The following ATP11A variants were observed in gnomAD, a reference collection of about 807,000 sequenced individuals.
The protein encoded by ATP11A is phospholipid-transporting ATPase IH.
A neutral mutation model predicts 154.4 loss-of-function variants in ATP11A; 81 were observed. The ratio of observed to expected loss-of-function variants is 0.52; its 90% CI spans 0.44 to 0.63. The LOEUF (loss-of-function observed/expected upper bound fraction) is 0.63. ATP11A is among the 30% of genes least tolerant of loss of function. The probability of loss-of-function intolerance (pLI) is 0.00; values close to 1 mark genes in which losing one functional copy is unlikely to be tolerated. For missense variants in ATP11A, 1,316 were observed against 1,474.3 expected (o/e 0.89, Z 1.76); for synonymous variants, 623 against 585.9 (o/e 1.06, Z -0.91).
intron 1 of ATP11A, among the ~76,000 whole-genome samples, chr13:112,726,487 C>T (rs965835271): frequency 4.6e-5 from 7 of 152,318 alleles, no homozygotes; most frequent in South Asian, 2.1e-4. Context: ...GTTGTACTTC[C>T]GAGAGCTTTT....
chr13:112,832,428 C>CT (rs2079119813), intron 13 of ATP11A, among the ~76,000 whole-genome samples: 1 of 152,242 alleles, frequency 6.6e-6, no homozygotes, highest in African/African-American at 2.4e-5. Flanking sequence ...CACGCCTAGT[C>CT]TAACACACGC....
intron 1 of ATP11A, among the ~76,000 whole-genome samples, chr13:112,769,135 T>C (rs199619437): frequency 6.6e-6 from 1 of 152,118 alleles, no homozygotes; most frequent in Non-Finnish European, 1.5e-5. Flanking sequence ...GCCCCCCGGC[T>C]CCTCCTTCCA....
At chr13:112,805,240 C>T (rs193104528) in intron 3 of ATP11A, among the ~76,000 whole-genome samples, 194 bp downstream of exon 3, 3 of 152,328 alleles carry the variant, frequency 2.0e-5, no homozygotes, top group East Asian at 1.9e-4. Flanking sequence ...AAACTACACA[C>T]GACGCTACTT....
At chr13:112,857,586 G>A (rs1430948969) in intron 20 of ATP11A, among the ~76,000 whole-genome samples, 1 of 152,152 alleles carries the variant, frequency 6.6e-6, no homozygotes, top group Non-Finnish European at 1.5e-5. Flanking sequence ...TCCAGCTCAC[G>A]TCATTTTAAT....
intron 6 of ATP11A, among the ~76,000 whole-genome samples, chr13:112,817,585 A>G (rs2078679575): frequency 1.3e-5 from 2 of 152,024 alleles, no homozygotes; most frequent in Non-Finnish European, 2.9e-5. Flanking sequence ...AGCCCTTCAC[A>G]CTCTCTGCAG....
At chr13:112,780,455 G>A (rs971948735) in intron 1 of ATP11A, among the ~76,000 whole-genome samples, 5 of 152,198 alleles carry the variant, frequency 3.3e-5, no homozygotes, top group African/African-American at 9.6e-5. Flanking sequence ...CTTCACACAT[G>A]GGATGCTTTC....
intron 25 of ATP11A, among the ~76,000 whole-genome samples, chr13:112,864,745 T>C: frequency 1.6e-5 from 1 of 61,422 alleles, no homozygotes. Flanking sequence ...CCCAGCGGGG[T>C]CCATCACCAC....
intron 17 of ATP11A, among the ~76,000 whole-genome samples, chr13:112,847,643 GT>G (rs1335188108): frequency 2.0e-5 from 3 of 152,174 alleles, no homozygotes; most frequent in Admixed American, 6.5e-5. Flanking sequence ...AGTTCCCGCT[GT>G]TTTGATTACT....
At chr13:112,826,087 G>A (rs1314933331) in intron 11 of ATP11A, among the ~76,000 whole-genome samples, 1 of 151,692 alleles carries the variant, frequency 6.6e-6, no homozygotes, top group East Asian at 1.9e-4. Flanking sequence ...AGGGCCGTGT[G>A]CAAACCCAGA....
At chr13:112,851,259 G>T in intron 18 of ATP11A, 41 bp downstream of exon 18, 1 of 1,587,982 alleles carries the variant, frequency 6.3e-7, no homozygotes, top group South Asian at 1.1e-5. Context: ...AGACAAACTG[G>T]GATGCAGGCC....
At chr13:112,727,026 T>C (rs1210487580) in intron 1 of ATP11A, among the ~76,000 whole-genome samples, 6 of 152,224 alleles carry the variant, frequency 3.9e-5, no homozygotes, top group Non-Finnish European at 5.9e-5. Flanking sequence ...TAGGTAATAG[T>C]AAATCTGAAC....
Position 112,812,469 on chromosome 13 carries a change from G to A in ATP11A, c.441+1743G>A, listed in dbSNP as rs2078528613. ...GGGAGCACCCCAGTCCTGTGCATGTGGAGAGCCAGGTGCGTTCCAGAAGCC... is the reference window on the plus strand; with the variant it reads ...GGGAGCACCCCAGTCCTGTGCATGTAGAGAGCCAGGTGCGTTCCAGAAGCC... On this transcript the variant is annotated intron_variant, in intron 5 of 29. Coordinates refer to ENST00000375645, the MANE Select transcript of ATP11A (RefSeq NM_015205.3). Among the ~76,000 whole-genome samples, 4 of 152,204 alleles carry A rather than the reference G, an allele frequency of 2.6e-5. No individual in the cohort carries two copies. In the South Asian group the frequency reaches 8.3e-4, roughly 31 times the overall value.
rs1472189609 is a variant in ATP11A, at chr13:112,838,404, GA to G, written c.1705+2155del. ...TCACGTGGTTTTCCCCGTAGCAGTC[GA>G]ATCTAGCTGTTGAGCCGTGGCTGGA... On this transcript the variant is annotated intron_variant, in intron 16 of 29. Coordinates refer to ENST00000375645, the MANE Select transcript of ATP11A (RefSeq NM_015205.3). The surrounding 1 kb of genome is among the most constrained non-coding windows in gnomAD (Gnocchi z 7.3). Among the ~76,000 whole-genome samples, 3 of 151,842 alleles carry G rather than the reference GA, an allele frequency of 2.0e-5. No homozygotes were observed. Among genetic ancestry groups the G allele is most frequent in the Non-Finnish European group, 2.9e-5 (2 of 68,004 alleles).
In ATP11A at chr13:112,838,164, G is replaced by T; in HGVS notation, c.1705+1913G>T. ...TCAGCAGGACAGGGTCTGAGAACAG[G>T]TTCAGATGCGCGAGACTTCTGTGTG... is the stretch of plus-strand genomic sequence containing the variant. On this transcript the variant is annotated intron_variant, in intron 16 of 29. Transcript: ENST00000375645. This position sits in a 1 kb window ranked among gnomAD's most constrained non-coding sequence, Gnocchi z 7.3. Among the ~76,000 whole-genome samples, 1 of 152,274 alleles carries T rather than the reference G, an allele frequency of 6.6e-6. No individual in the cohort carries two copies. Among genetic ancestry groups the T allele is most frequent in the Non-Finnish European group, 1.5e-5 (1 of 68,006 alleles).
At chr13:112,797,121 T>A (rs1041391827) in intron 2 of ATP11A, among the ~76,000 whole-genome samples, 1 of 151,462 alleles carries the variant, frequency 6.6e-6, no homozygotes, top group Non-Finnish European at 1.5e-5. Flanking sequence ...AATAAAAATT[T>A]TTTTTAAAAA....
In ATP11A at chr13:112,882,997, C is replaced by T. The variant is rs3742232; in HGVS notation, c.*1131C>T. The T allele has an allele frequency of 0.48, 192,040 of 398,782 alleles. 48,456 individuals are homozygous for T. Among genetic ancestry groups the T allele is most frequent in the East Asian group, 0.59 (16,420 of 28,014 alleles). The allele number at this position is 398,782 out of a possible 1,614,324, so 24.7% of individuals were successfully genotyped here. ...AGCTCCGCCCGCCGGGCTCTGCGTCCCCACGTCCCCTCGTCCCATCCCCAC... is the reference window on the plus strand; with the variant it reads ...AGCTCCGCCCGCCGGGCTCTGCGTCTCCACGTCCCCTCGTCCCATCCCCAC... On this transcript the variant is annotated 3_prime_UTR_variant, in exon 30 of 30. Coordinates refer to ENST00000375645, the MANE Select transcript of ATP11A (RefSeq NM_015205.3). This position sits in a 1 kb window ranked among gnomAD's most constrained non-coding sequence, Gnocchi z 5.1.
chr13:112,819,034 TA>T (rs2078722753), intron 6 of ATP11A, among the ~76,000 whole-genome samples: 5 of 152,254 alleles, frequency 3.3e-5, no homozygotes, highest in Admixed American at 3.3e-4. Context: ...CTATGACAGA[TA>T]AATCAGTGTC....
chr13:112,872,482 G>A (rs1402818313), intron 26 of ATP11A, among the ~76,000 whole-genome samples: 6 of 152,176 alleles, frequency 3.9e-5, no homozygotes, highest in African/African-American at 4.8e-5. Context: ...ATGGTGGCAC[G>A]CGCCTGTAAT....
intron 1 of ATP11A, among the ~76,000 whole-genome samples, chr13:112,718,840 T>G (rs1160509342): frequency 6.6e-6 from 1 of 152,018 alleles, no homozygotes; most frequent in Non-Finnish European, 1.5e-5. Context: ...CCAGCTAATT[T>G]TTTTTTCTTT....
Sources: gnomAD v4.1 joint callset for allele counts (sites outside exome capture counted in the v4.1 genomes callset) on GRCh38, gnomAD v4.1.1 for gene constraint, Gnocchi (gnomAD v3.1) non-coding constraint, MANE v1.5 for transcripts, NCBI Gene and HGNC (gene_info 2026-07-23, HGNC 2026-07-21) for gene names.